NUP37: variants seen among roughly 807,000 people sequenced by gnomAD.
NUP37 encodes nucleoporin 37, also known as nucleoporin Nup37.
NUP37 carries 33 observed loss-of-function variants against 45.4 expected under a neutral mutation model. The observed-to-expected ratio is 0.73, with a 90% CI of 0.55 to 0.97. The LOEUF is 0.97. Among genes scored for constraint, NUP37 ranks in the 50% least tolerant of loss-of-function variants. The probability of loss-of-function intolerance (pLI) is 0.00; values close to 1 mark genes in which losing one functional copy is unlikely to be tolerated. For synonymous variants in NUP37, 127 were observed against 130.7 expected (o/e 0.97, Z 0.19); for missense variants, 365 against 389.7 (o/e 0.94, Z 0.53).
intron 8 of NUP37, among the ~76,000 whole-genome samples, chr12:102,076,476 T>G (rs1594382386): frequency 6.6e-6 from 1 of 152,166 alleles, no homozygotes; most frequent in East Asian, 1.9e-4. Context: ...TTTATATACA[T>G]GAACATGGGC....
chr12:102,117,553 T>C (rs543531743), intron 2 of NUP37, among the ~76,000 whole-genome samples: 1 of 152,346 alleles, frequency 6.6e-6, no homozygotes, highest in South Asian at 2.1e-4. Flanking sequence ...AAAACTAGCT[T>C]TCCTCTGGGA....
Position 102,085,762 on chromosome 12 carries a change from TA to T in NUP37, c.540+3del. 6.9e-7 allele frequency: 1 copy of T among 1,442,308 alleles called. No individual in the cohort carries two copies. Among genetic ancestry groups the T allele is most frequent in the Non-Finnish European group, 9.6e-7 (1 of 1,041,630 alleles). The allele number at this position is 1,442,308 out of a possible 1,614,324, so 89.3% of individuals were successfully genotyped here. A position where few individuals can be genotyped will look rare whatever the true frequency, so the allele number is the denominator to read the frequency against. ...GATAAGAGAGTTAAATTATAAATAA[TA>T]ACCTTAAAAGTCTCCTCAGGATGCC... On this transcript the variant is annotated splice_donor_region_variant and intron_variant, in intron 6 of 9. Transcript: ENST00000552283.
At chr12:102,114,464 C>T (rs1454195330) in intron 2 of NUP37, among the ~76,000 whole-genome samples, 1 of 152,102 alleles carries the variant, frequency 6.6e-6, no homozygotes, top group Non-Finnish European at 1.5e-5. Flanking sequence ...GTGGTATAGG[C>T]AGAGACAAAT....
Position 102,077,750 on chromosome 12 carries a change from A to T in NUP37, c.541-247T>A, listed in dbSNP as rs78299962. ...ACTTTGTTTCATGCACAAAATTATT[A>T]AAAAAAGTTATATAAAATTATCATC... is the stretch of plus-strand genomic sequence containing the variant. On this transcript the variant is annotated intron_variant, in intron 6 of 9. Coordinates refer to ENST00000552283, the MANE Select transcript of NUP37 (RefSeq NM_024057.4). Among the ~76,000 whole-genome samples the T allele has an allele frequency of 2.6e-3, 396 of 152,342 alleles. 8 individuals are homozygous for T. The East Asian group carries it at 0.049, about 19-fold the overall frequency.
chr12:102,076,023 C>A (rs999163460), intron 8 of NUP37, among the ~76,000 whole-genome samples: 10 of 152,070 alleles, frequency 6.6e-5, no homozygotes, highest in Admixed American at 1.3e-4. Context: ...AGGGTCTGAG[C>A]TCTTGATGAC....
intron 5 of NUP37, among the ~76,000 whole-genome samples, chr12:102,088,524 C>T (rs536570383): frequency 2.0e-5 from 3 of 152,270 alleles, no homozygotes; most frequent in East Asian, 3.9e-4. Context: ...AAGGTACCCA[C>T]TATTCTGACT....
chr12:102,092,100 G>A (rs949330842), intron 5 of NUP37, among the ~76,000 whole-genome samples: 1 of 152,104 alleles, frequency 6.6e-6, no homozygotes, highest in African/African-American at 2.4e-5. Context: ...GGATTCAACA[G>A]GAATATTCTG....
At chr12:102,099,005 A>C in intron 5 of NUP37, 101 bp downstream of exon 5, 1 of 813,956 alleles carries the variant, frequency 1.2e-6, no homozygotes, top group Non-Finnish European at 2.1e-6. Context: ...ACAACACTCT[A>C]TAGAATTTAT....
At chr12:102,076,437 A>C (rs1006814816) in intron 8 of NUP37, among the ~76,000 whole-genome samples, 3 of 152,234 alleles carry the variant, frequency 2.0e-5, no homozygotes, top group Non-Finnish European at 4.4e-5. Context: ...ACTATCTAGC[A>C]TAGTTTCATT....
intron 5 of NUP37, among the ~76,000 whole-genome samples, chr12:102,089,947 C>G (rs1879600322): frequency 6.6e-6 from 1 of 152,008 alleles, no homozygotes; most frequent in African/African-American, 2.4e-5. Flanking sequence ...ATATAGATAC[C>G]CACATACGAT....
chr12:102,106,214 G>A (rs906456888), intron 3 of NUP37, among the ~76,000 whole-genome samples: 1 of 152,148 alleles, frequency 6.6e-6, no homozygotes, highest in Non-Finnish European at 1.5e-5. Context: ...TTGAATATGT[G>A]CCTCCAAAAC....
intron 6 of NUP37, 88 bp downstream of exon 6, chr12:102,085,678 C>A: frequency 1.7e-6 from 1 of 590,488 alleles, no homozygotes; most frequent in Non-Finnish European, 2.9e-6. Flanking sequence ...TGGGAAAAAT[C>A]ATTGATCTTC....
In NUP37 at chr12:102,076,726, A is replaced by G. The variant is rs374313951; in HGVS notation, c.773+71T>C. Reference sequence around the variant, plus strand: ...AATCCAGTGCAAAGAAGAGAACTACAAAAGTATCCCAGTGGTGGCACAGCA... The same window carrying G: ...AATCCAGTGCAAAGAAGAGAACTACGAAAGTATCCCAGTGGTGGCACAGCA... On this transcript the variant is annotated intron_variant, in intron 8 of 9. Transcript: ENST00000552283. 6.8e-4 allele frequency: 881 copies of G among 1,297,184 alleles called. 1 individual carries two copies. In the Middle Eastern group the frequency reaches 0.013, roughly 19 times the overall value. The allele number at this position is 1,297,184 out of a possible 1,614,324, so 80.4% of individuals were successfully genotyped here. A position where few individuals can be genotyped will look rare whatever the true frequency, so the allele number is the denominator to read the frequency against.
chr12:102,093,078 G>A (rs1360160271), intron 5 of NUP37, among the ~76,000 whole-genome samples: 1 of 151,966 alleles, frequency 6.6e-6, no homozygotes, highest in Admixed American at 6.5e-5. Context: ...TGAGATAATT[G>A]TACAGGCTTA....
intron 6 of NUP37, among the ~76,000 whole-genome samples, chr12:102,083,597 C>T (rs1354347702): frequency 6.6e-6 from 1 of 152,126 alleles, no homozygotes; most frequent in Admixed American, 6.5e-5. Flanking sequence ...GTTTTTTCTC[C>T]CTTATACATC....
rs79712085 is a variant in NUP37 at position 102,074,831 on chromosome 12, C to A, written c.867+170G>T. 1.2e-3 allele frequency: 520 copies of A among 450,824 alleles called. 3 individuals carry two copies. The highest frequency in any genetic ancestry group is 9.5e-3 in the African/African-American group (465 of 49,064). 27.9% of individuals were successfully genotyped at this position (450,824 alleles called of 1,614,324 possible). A position where few individuals can be genotyped will look rare whatever the true frequency, so the allele number is the denominator to read the frequency against. On this transcript the variant is annotated intron_variant, in intron 9 of 9. Transcript: ENST00000552283. ...TGGTAATGTAAACATCAAAAAAAAACCACACAAAAAACAAAAACAAATGAA... is the reference window on the plus strand; with the variant it reads ...TGGTAATGTAAACATCAAAAAAAAAACACACAAAAAACAAAAACAAATGAA...
chr12:102,109,055 C>T (rs1016056901), intron 3 of NUP37, among the ~76,000 whole-genome samples: 31 of 152,016 alleles, frequency 2.0e-4, no homozygotes, highest in Admixed American at 2.0e-3. Context: ...TAAATAAAAC[C>T]AAACAAACAA....
intron 5 of NUP37, among the ~76,000 whole-genome samples, chr12:102,091,421 AAAAAAAACCCAAAAAAC>A (rs1879650536): frequency 6.7e-6 from 1 of 149,858 alleles, no homozygotes; most frequent in Non-Finnish European, 1.5e-5. Flanking sequence ...AAAAAAAAAA[AAAAAAAACCCAAAAAAC>A]AAAAAAAACC....
chr12:102,107,920 T>C (rs534300518), intron 3 of NUP37, among the ~76,000 whole-genome samples: 11 of 152,284 alleles, frequency 7.2e-5, no homozygotes, highest in Non-Finnish European at 1.3e-4. Flanking sequence ...AGAAGGCTGA[T>C]TGGAGAGGGG....
Sources: allele counts gnomAD v4.1 joint callset (sites outside exome capture counted in the v4.1 genomes callset), GRCh38; gene constraint gnomAD v4.1.1; transcripts MANE v1.5; gene names NCBI Gene and HGNC (gene_info 2026-07-23, HGNC 2026-07-21).